Variants in B3GLCT observed in about 807,000 individuals in gnomAD.
The protein encoded by B3GLCT is beta-1,3-glucosyltransferase.
B3GLCT carries 65 observed loss-of-function variants against 63.4 expected under a neutral mutation model. The observed-to-expected ratio is 1.03, with a 90% CI of 0.84 to 1.26. The LOEUF (loss-of-function observed/expected upper bound fraction) is 1.26, where lower values mean the gene tolerates loss of function less well. Among genes scored for constraint, B3GLCT ranks in the 50% most tolerant of loss-of-function variants. The pLI, the probability that B3GLCT is intolerant of heterozygous loss-of-function variation, is 0.00. For missense variants in B3GLCT, 577 were observed against 604.8 expected, an observed-to-expected ratio of 0.95 and a Z score of 0.48; for synonymous variants, 233 against 219.2, an observed-to-expected ratio of 1.06 and a Z score of -0.55.
At chr13:31,309,648 A>C (rs1232998177) in intron 12 of B3GLCT, among the ~76,000 whole-genome samples, 1 of 152,158 alleles carries the variant, frequency 6.6e-6, no homozygotes, top group East Asian at 1.9e-4. Context: ...TGTGTAGGGC[A>C]AGGTATGGGG....
At position 31,261,034 on chromosome 13, in the gene B3GLCT, A is replaced by G. The variant is rs746710147; in HGVS notation, c.548A>G (p.Tyr183Cys). ...AFSENPTVFK[Y>C]PDFAAGWALS... Reference sequence around the variant, plus strand: ...TCCGAGAATCCTACAGTTTTTAAGTATCCAGACTTTGCTGCAGGCTGGGCC... The same window carrying G: ...TCCGAGAATCCTACAGTTTTTAAGTGTCCAGACTTTGCTGCAGGCTGGGCC... Residue 183 changes from tyrosine to cysteine, a missense_variant, in exon 7 of 15, where the codon TAT becomes TGT. By Grantham distance (194) the Tyr-to-Cys change is radical (BLOSUM62 -2). Transcript: ENST00000343307. 1.2e-6 allele frequency: 2 copies of G among 1,613,982 alleles called. No homozygotes were observed. Among genetic ancestry groups the G allele is most frequent in the Non-Finnish European group, 1.7e-6 (2 of 1,179,988 alleles).
At chr13:31,293,940 G>T (rs1277348851) in intron 12 of B3GLCT, among the ~76,000 whole-genome samples, 1 of 152,200 alleles carries the variant, frequency 6.6e-6, no homozygotes, top group Non-Finnish European at 1.5e-5. Context: ...TGCAGTGGCT[G>T]GTACCGCTTT....
At chr13:31,299,410 G>A (rs143948949) in intron 12 of B3GLCT, among the ~76,000 whole-genome samples, 98 of 152,224 alleles carry the variant, frequency 6.4e-4, no homozygotes, top group African/African-American at 2.2e-3. Flanking sequence ...ATGGTACTCA[G>A]AGTATTTGCA....
At chr13:31,261,571 A>T (rs1342838678) in intron 7 of B3GLCT, among the ~76,000 whole-genome samples, 1 of 152,208 alleles carries the variant, frequency 6.6e-6, no homozygotes, top group African/African-American at 2.4e-5. Flanking sequence ...ATACCTAGCT[A>T]TTTGTGTGTA....
At chr13:31,263,319 A>G (rs1439379623) in intron 7 of B3GLCT, among the ~76,000 whole-genome samples, 2 of 152,312 alleles carry the variant, frequency 1.3e-5, no homozygotes, top group East Asian at 3.9e-4. Flanking sequence ...GTAACTATTT[A>G]TTCTTGCTTC....
chr13:31,310,593 G>A (rs1163243382), intron 12 of B3GLCT, among the ~76,000 whole-genome samples: 4 of 152,204 alleles, frequency 2.6e-5, no homozygotes, highest in African/African-American at 4.8e-5. Flanking sequence ...AACTGGCAGC[G>A]GTGGGGCTGG....
chr13:31,228,566 A>G (rs868041596), intron 3 of B3GLCT, among the ~76,000 whole-genome samples: 4 of 152,002 alleles, frequency 2.6e-5, no homozygotes, highest in Non-Finnish European at 5.9e-5. Flanking sequence ...GTAGATGGCT[A>G]TCTTCTCTGT....
intron 10 of B3GLCT, among the ~76,000 whole-genome samples, chr13:31,282,796 G>A (rs767219419): frequency 2.0e-5 from 3 of 152,076 alleles, no homozygotes; most frequent in Non-Finnish European, 4.4e-5. Context: ...TTAATCAAAG[G>A]CTGAATTGCC....
chr13:31,226,366 A>G (rs1229965875), intron 3 of B3GLCT, among the ~76,000 whole-genome samples: 1 of 152,232 alleles, frequency 6.6e-6, no homozygotes, highest in African/African-American at 2.4e-5. Context: ...AGTATAGGAA[A>G]AAGGGAGAGG....
intron 12 of B3GLCT, among the ~76,000 whole-genome samples, chr13:31,294,031 G>A (rs1873811896): frequency 6.6e-6 from 1 of 152,208 alleles, no homozygotes; most frequent in African/African-American, 2.4e-5. Flanking sequence ...GCATTTGCTT[G>A]TTTGTAAAGG....
At chr13:31,212,280 T>G (rs951906881) in intron 1 of B3GLCT, among the ~76,000 whole-genome samples, 3 of 147,764 alleles carry the variant, frequency 2.0e-5, no homozygotes, top group Non-Finnish European at 3.0e-5. Flanking sequence ...TTTTTTTTTT[T>G]TTTTTTTTTT....
intron 10 of B3GLCT, chr13:31,283,028 T>C (rs1873148102): frequency 6.6e-6 from 1 of 152,252 alleles, no homozygotes; most frequent in Non-Finnish European, 1.5e-5. Flanking sequence ...GCAAAAGTGC[T>C]AACTCACCCT....
At chr13:31,259,901 A>G (rs1374023654) in intron 6 of B3GLCT, among the ~76,000 whole-genome samples, 1 of 151,656 alleles carries the variant, frequency 6.6e-6, no homozygotes, top group Non-Finnish European at 1.5e-5. Context: ...TTGTTTTCTG[A>G]TGGCTTCAAT....
At chr13:31,237,342 A>G (rs901343597) in intron 4 of B3GLCT, among the ~76,000 whole-genome samples, 2 of 141,596 alleles carry the variant, frequency 1.4e-5, no homozygotes, top group African/African-American at 5.2e-5. Context: ...GTTAAAACTT[A>G]GCTGGAGGCT....
At chr13:31,327,675 C>CA (rs1491380964) in intron 14 of B3GLCT, among the ~76,000 whole-genome samples, 1 of 150,672 alleles carries the variant, frequency 6.6e-6, no homozygotes, top group Non-Finnish European at 1.5e-5. Context: ...AGTAAACTCT[C>CA]AGAGGGCCTT....
At chr13:31,326,130 G>A (rs922498058) in intron 14 of B3GLCT, among the ~76,000 whole-genome samples, 1 of 152,056 alleles carries the variant, frequency 6.6e-6, no homozygotes, top group African/African-American at 2.4e-5. Context: ...AAACTGTATG[G>A]GATGGAAATC....
intron 4 of B3GLCT, among the ~76,000 whole-genome samples, chr13:31,234,617 TG>T (rs915091555): frequency 6.6e-6 from 1 of 151,762 alleles, no homozygotes; most frequent in African/African-American, 2.4e-5. Context: ...GGCCAGCGGA[TG>T]GGGGGTGGCA....
intron 3 of B3GLCT, among the ~76,000 whole-genome samples, chr13:31,225,733 T>G (rs1441660058): frequency 2.0e-5 from 3 of 152,182 alleles, no homozygotes; most frequent in Non-Finnish European, 2.9e-5. Flanking sequence ...CACTGCTCCC[T>G]CTGTGGGGAG....
At chr13:31,230,245 G>A (rs887618209) in intron 4 of B3GLCT, among the ~76,000 whole-genome samples, 9 of 152,166 alleles carry the variant, frequency 5.9e-5, no homozygotes, top group Admixed American at 5.9e-4. Context: ...GAGTGAGGGA[G>A]GATCTACCTT....
Sources: allele counts gnomAD v4.1 joint callset (sites outside exome capture counted in the v4.1 genomes callset), GRCh38; gene constraint gnomAD v4.1.1; transcripts MANE v1.5; gene names NCBI Gene and HGNC (gene_info 2026-07-23, HGNC 2026-07-21).